Variants in C1QTNF3 observed in about 807,000 individuals in gnomAD.
C1QTNF3 encodes C1q and TNF related 3.
A neutral mutation model predicts 32.6 loss-of-function variants in C1QTNF3; 26 were observed. The ratio of observed to expected loss-of-function variants is 0.80; its 90% CI spans 0.58 to 1.11. The LOEUF is 1.11. Ranked by LOEUF, C1QTNF3 falls within the 50% of genes least tolerant of loss-of-function variation. The pLI, the probability that C1QTNF3 is intolerant of heterozygous loss-of-function variation, is 0.00. For synonymous variants in C1QTNF3, 155 were observed against 146.0 expected (o/e 1.06, Z -0.44); for missense variants, 362 against 398.2 (o/e 0.91, Z 0.77).
the C1QTNF3 span, among the ~76,000 whole-genome samples, chr5:34,237,744 T>C: frequency 6.6e-6 from 1 of 152,112 alleles, no homozygotes; most frequent in Admixed American, 6.5e-5. Flanking sequence ...ACCCAAACAC[T>C]ACAGCTAGTT....
the C1QTNF3 span, among the ~76,000 whole-genome samples, chr5:34,173,789 TTAGGA>T: frequency 3.3e-4 from 49 of 147,586 alleles, no homozygotes; most frequent in African/African-American, 1.2e-3. Flanking sequence ...ATGCTATAGT[TTAGGA>T]CACTAGTTTA....
the C1QTNF3 span, among the ~76,000 whole-genome samples, chr5:34,065,501 C>A: frequency 6.6e-6 from 1 of 151,920 alleles, no homozygotes; most frequent in Admixed American, 6.6e-5. Flanking sequence ...ACCCCATCTC[C>A]ACTAAAAATA....
chr5:34,100,431 T>G, the C1QTNF3 span, among the ~76,000 whole-genome samples: 1 of 151,578 alleles, frequency 6.6e-6, no homozygotes, highest in Non-Finnish European at 1.5e-5. Context: ...GCGGTTCAAT[T>G]TTTGCATCAA....
At chr5:34,022,395 A>C (rs1023596033) in intron 5 of C1QTNF3, among the ~76,000 whole-genome samples, 3 of 152,320 alleles carry the variant, frequency 2.0e-5, no homozygotes, top group African/African-American at 7.2e-5. Context: ...AGAAAAGCAG[A>C]TAAAGAAGAC....
the C1QTNF3 span, among the ~76,000 whole-genome samples, chr5:34,125,823 A>G: frequency 1.3e-5 from 2 of 152,228 alleles, no homozygotes; most frequent in African/African-American, 4.8e-5. Flanking sequence ...GGTAAACACA[A>G]TATTTGTTGT....
the C1QTNF3 span, chr5:34,165,124 C>T: frequency 2.4e-4 from 36 of 152,170 alleles, no homozygotes; most frequent in African/African-American, 7.5e-4. Context: ...CATCCAAACT[C>T]CAGGCTGTCT....
the C1QTNF3 span, among the ~76,000 whole-genome samples, chr5:34,082,021 C>G: frequency 6.6e-6 from 1 of 151,522 alleles, no homozygotes; most frequent in Non-Finnish European, 1.5e-5. Context: ...ATTTTTTCCC[C>G]CAAGTAGAAA....
chr5:34,093,768 T>C, the C1QTNF3 span, among the ~76,000 whole-genome samples: 2 of 152,140 alleles, frequency 1.3e-5, no homozygotes, highest in African/African-American at 4.8e-5. Context: ...GTCTTCACTT[T>C]AAACTTTTTT....
the C1QTNF3 span, among the ~76,000 whole-genome samples, chr5:34,137,224 A>G: frequency 6.6e-6 from 1 of 152,074 alleles, no homozygotes; most frequent in Admixed American, 6.6e-5. Context: ...GACAAATATC[A>G]GGATCCCTGA....
At chr5:34,177,709 G>A in the C1QTNF3 span, among the ~76,000 whole-genome samples, 7 of 151,338 alleles carry the variant, frequency 4.6e-5, no homozygotes, top group Admixed American at 4.6e-4. Flanking sequence ...AGCTGGACTT[G>A]AACTCTTGGC....
chr5:34,033,509 C>A, intron 2 of C1QTNF3, 51 bp from the exon 3 acceptor site: 1 of 1,609,444 alleles, frequency 6.2e-7, no homozygotes, highest in Non-Finnish European at 8.5e-7. Flanking sequence ...CTCATACTTA[C>A]CATCCATTTC....
At chr5:34,085,228 C>T in the C1QTNF3 span, among the ~76,000 whole-genome samples, 1 of 149,830 alleles carries the variant, frequency 6.7e-6, no homozygotes, top group Non-Finnish European at 1.5e-5. Flanking sequence ...ATCTCCTGAT[C>T]TCATGATCCA....
At chr5:34,132,398 ACAAC>A in the C1QTNF3 span, among the ~76,000 whole-genome samples, 3 of 102,130 alleles carry the variant, frequency 2.9e-5, no homozygotes, top group Non-Finnish European at 4.4e-5. Context: ...AACAACAACA[ACAAC>A]AAAAATATAT....
the C1QTNF3 span, among the ~76,000 whole-genome samples, chr5:34,156,648 T>C: frequency 1.1e-4 from 17 of 152,160 alleles, no homozygotes; most frequent in African/African-American, 3.4e-4. Flanking sequence ...TAACTACTAA[T>C]ATACATTTAA....
chr5:34,220,545 ACAC>A, the C1QTNF3 span, among the ~76,000 whole-genome samples: 5 of 151,904 alleles, frequency 3.3e-5, no homozygotes, highest in South Asian at 2.1e-4. Flanking sequence ...ACACACACAC[ACAC>A]GACTGCATTG....
the C1QTNF3 span, among the ~76,000 whole-genome samples, chr5:34,118,731 C>CA: frequency 6.6e-6 from 1 of 151,972 alleles, no homozygotes; most frequent in Non-Finnish European, 1.5e-5. Context: ...CTTTGGCTTT[C>CA]AACATTTTAC....
chr5:34,035,821 A>G, intron 1 of C1QTNF3, 63 bp from the exon 2 acceptor site: 1 of 1,248,740 alleles, frequency 8.0e-7, no homozygotes, highest in Non-Finnish European at 1.1e-6. Flanking sequence ...GGATTTTTAA[A>G]TTTCCACTGG....
chr5:34,154,604 A>G, the C1QTNF3 span, among the ~76,000 whole-genome samples: 1 of 152,218 alleles, frequency 6.6e-6, no homozygotes, highest in East Asian at 1.9e-4. Context: ...AATTGAATAA[A>G]TAAATACACA....
intron 4 of C1QTNF3, among the ~76,000 whole-genome samples, chr5:34,026,034 C>A (rs1329575736): frequency 6.6e-6 from 1 of 152,190 alleles, no homozygotes; most frequent in Non-Finnish European, 1.5e-5. Flanking sequence ...CTGACAGGGC[C>A]ACTGCCTCCA....
Sources: allele counts gnomAD v4.1 joint callset (sites outside exome capture counted in the v4.1 genomes callset), GRCh38; gene constraint gnomAD v4.1.1; transcripts MANE v1.5; gene names NCBI Gene and HGNC (gene_info 2026-07-23, HGNC 2026-07-21).